The following GRID2 variants were observed in gnomAD, a reference collection of about 807,000 sequenced individuals.
GRID2 encodes the protein glutamate ionotropic receptor delta type subunit 2, also known as glutamate receptor ionotropic, delta-2.
GRID2 carries 33 observed loss-of-function variants against 114.8 expected under a neutral mutation model. The ratio of observed to expected loss-of-function variants is 0.29; its 90% CI spans 0.22 to 0.38. The LOEUF (loss-of-function observed/expected upper bound fraction) is 0.38, where lower values mean the gene tolerates loss of function less well. Ranked by LOEUF, GRID2 falls within the 10% of genes least tolerant of loss-of-function variation. The pLI is 1.00. For synonymous variants in GRID2, 505 were observed against 449.9 expected, an observed-to-expected ratio of 1.12 and a Z score of -1.55; for missense variants, 1,184 against 1,257.7, an observed-to-expected ratio of 0.94 and a Z score of 0.89.
At chr4:92,913,697 T>C (rs147310780) in intron 2 of GRID2, among the ~76,000 whole-genome samples, 1 of 152,138 alleles carries the variant, frequency 6.6e-6, no homozygotes, top group East Asian at 1.9e-4. Context: ...AGTAGATTTT[T>C]ATTGGATAAT....
chr4:93,591,912 T>C (rs1182715043), intron 13 of GRID2, among the ~76,000 whole-genome samples: 1 of 152,216 alleles, frequency 6.6e-6, no homozygotes, highest in African/African-American at 2.4e-5. Context: ...ATCCCCTTTA[T>C]CATTTTTTAT....
chr4:92,661,155 T>G lies in GRID2; in HGVS notation c.244+70869T>G, dbSNP rs530894466. The stretch of plus-strand genomic sequence containing the variant: ...ACAAGCAGAAAGGGAGAATGGAGAA[T>G]TTTTTTAAAACCATTCTTTTAATTT... On this transcript the variant is annotated intron_variant, in intron 2 of 15. Coordinates refer to ENST00000282020, the MANE Select transcript of GRID2 (RefSeq NM_001510.4). Among the ~76,000 whole-genome samples, 16 of 150,912 alleles carry G rather than the reference T, an allele frequency of 1.1e-4. No homozygotes were observed. The South Asian group carries it at 3.1e-3, about 29-fold the overall frequency.
chr4:93,552,674 T>C (rs1733882518), intron 13 of GRID2, among the ~76,000 whole-genome samples: 2 of 152,190 alleles, frequency 1.3e-5, no homozygotes, highest in East Asian at 1.9e-4. Flanking sequence ...AGGGTACATG[T>C]GCACAACGTG....
chr4:93,085,218 C>G lies in GRID2; in HGVS notation c.468C>G (p.Ile156Met). Residue 156 changes from isoleucine (I) to methionine (M), a missense_variant, in exon 3 of 16, where the codon ATC (isoleucine) becomes ATG (methionine). This residue lies in a region of GRID2 where 455 missense variants were observed against 429.5 expected (regional missense o/e 1.06). Coordinates refer to ENST00000282020, the MANE Select transcript of GRID2 (RefSeq NM_001510.4). ...CACCTGTCTACTTGCATGATGTTATCCTAAGAGTGGTCACAGAGTATGCCT... is the reference window on the plus strand; with the variant it reads ...CACCTGTCTACTTGCATGATGTTATGCTAAGAGTGGTCACAGAGTATGCCT... ...VRPPVYLHDV[I>M]LRVVTEYAWQ... is the part of the protein sequence containing the mutation. The G allele has an allele frequency of 6.2e-7, 1 of 1,613,432 alleles. No individual in the cohort carries two copies. The highest frequency in any genetic ancestry group is 1.1e-5 in the South Asian group (1 of 91,074).
intron 11 of GRID2, among the ~76,000 whole-genome samples, chr4:93,488,943 A>T (rs2149457234): frequency 6.6e-6 from 1 of 152,136 alleles, no homozygotes; most frequent in African/African-American, 2.4e-5. Flanking sequence ...CTATCTCCAA[A>T]TAACAATCAC....
intron 14 of GRID2, among the ~76,000 whole-genome samples, chr4:93,690,887 T>C (rs1288983682): frequency 6.8e-6 from 1 of 147,990 alleles, no homozygotes; most frequent in Non-Finnish European, 1.5e-5. Flanking sequence ...TTATGTAATA[T>C]TATAACACTT....
At chr4:93,145,480 T>G (rs1371246408) in intron 4 of GRID2, among the ~76,000 whole-genome samples, 1 of 95,342 alleles carries the variant, frequency 1.0e-5, no homozygotes, top group African/African-American at 5.6e-5. Context: ...TATTTTTTTT[T>G]GAGACAGTTT....
At chr4:93,591,241 A>G (rs1738257773) in intron 13 of GRID2, among the ~76,000 whole-genome samples, 1 of 151,570 alleles carries the variant, frequency 6.6e-6, no homozygotes, top group Non-Finnish European at 1.5e-5. Context: ...TCAATACCTA[A>G]TTTATTGAGA....
At chr4:92,386,360 C>G (rs1384739451) in intron 1 of GRID2, among the ~76,000 whole-genome samples, 2 of 151,518 alleles carry the variant, frequency 1.3e-5, no homozygotes, top group Non-Finnish European at 3.0e-5. Flanking sequence ...ACAGTAGATT[C>G]CTTAAAGGAA....
intron 4 of GRID2, among the ~76,000 whole-genome samples, chr4:93,176,072 G>T (rs531125418): frequency 1.3e-5 from 2 of 152,132 alleles, no homozygotes; most frequent in Non-Finnish European, 2.9e-5. Flanking sequence ...ATAATTATTG[G>T]TTTAATAATC....
intron 13 of GRID2, among the ~76,000 whole-genome samples, chr4:93,548,230 C>A (rs1370455650): frequency 6.6e-6 from 1 of 151,866 alleles, no homozygotes; most frequent in Non-Finnish European, 1.5e-5. Context: ...AATTTAGTAG[C>A]AATTTCAAGG....
intron 1 of GRID2, among the ~76,000 whole-genome samples, chr4:92,373,606 G>T (rs906325256): frequency 6.6e-6 from 1 of 152,110 alleles, no homozygotes; most frequent in Non-Finnish European, 1.5e-5. Flanking sequence ...TGCTTTCAAA[G>T]TTCTTTAATA....
chr4:93,183,373 A>G (rs1740088151), intron 4 of GRID2, among the ~76,000 whole-genome samples: 1 of 152,204 alleles, frequency 6.6e-6, no homozygotes, highest in Non-Finnish European at 1.5e-5. Flanking sequence ...ATCCCCCTGT[A>G]AAGACATAAC....
intron 4 of GRID2, among the ~76,000 whole-genome samples, chr4:93,180,420 GA>G (rs1307141469): frequency 2.0e-5 from 3 of 152,088 alleles, no homozygotes. Flanking sequence ...GTCTTGCCAG[GA>G]TATTGATGAC....
chr4:93,564,731 A>G (rs1049698186), intron 13 of GRID2, among the ~76,000 whole-genome samples: 2 of 152,082 alleles, frequency 1.3e-5, no homozygotes, highest in African/African-American at 2.4e-5. Flanking sequence ...ATCCCTCTGC[A>G]TAACAGAGAT....
intron 2 of GRID2, among the ~76,000 whole-genome samples, chr4:93,076,111 C>G (rs1729268712): frequency 6.6e-6 from 1 of 151,960 alleles, no homozygotes; most frequent in East Asian, 1.9e-4. Context: ...CCGTGTTAGC[C>G]AGGATGGTCT....
intron 2 of GRID2, among the ~76,000 whole-genome samples, chr4:92,756,235 A>G (rs897163408): frequency 6.6e-6 from 1 of 151,832 alleles, no homozygotes; most frequent in East Asian, 1.9e-4. Flanking sequence ...TAACATAATA[A>G]CTCCTATTTC....
chr4:92,591,535 A>G (rs945658755), intron 2 of GRID2, among the ~76,000 whole-genome samples: 1 of 152,208 alleles, frequency 6.6e-6, no homozygotes, highest in East Asian at 1.9e-4. Flanking sequence ...GGCAGATACC[A>G]TATTAACTGT....
rs1428142963 is a variant in GRID2, at chr4:92,661,544, GA to G, written c.244+71262del. ...TTAATGAACATTTATTGATGCAAAT[GA>G]AAATTATATAAATATTCTGAAATGG... On this transcript the variant is annotated intron_variant, in intron 2 of 15. Transcript: ENST00000282020. Among the ~76,000 whole-genome samples, 12 of 150,804 alleles carry G rather than the reference GA, an allele frequency of 8.0e-5. No individual in the cohort carries two copies. The Admixed American group carries it at 8.0e-4, about 10-fold the overall frequency.
Sources: allele counts gnomAD v4.1 joint callset (sites outside exome capture counted in the v4.1 genomes callset), GRCh38; gene constraint gnomAD v4.1.1; regional missense constraint gnomAD v4.1.1; transcripts MANE v1.5; gene names NCBI Gene and HGNC (gene_info 2026-07-23, HGNC 2026-07-21).